PDSS2: variants seen among roughly 807,000 people sequenced by gnomAD.
PDSS2 encodes the protein decaprenyl diphosphate synthase subunit 2.
A neutral mutation model predicts 44.5 loss-of-function variants in PDSS2; 31 were observed. That is an observed-to-expected ratio of 0.70 (90% confidence interval 0.52 to 0.94). PDSS2 has a LOEUF of 0.94. PDSS2 is among the 40% of genes least tolerant of loss of function. The pLI is 0.00. For missense variants in PDSS2, 452 were observed against 482.2 expected, an observed-to-expected ratio of 0.94 and a Z score of 0.59; for synonymous variants, 157 against 180.3, an observed-to-expected ratio of 0.87 and a Z score of 1.03.
At chr6:107,326,282 T>C (rs1322334686) in intron 2 of PDSS2, among the ~76,000 whole-genome samples, 2 of 151,714 alleles carry the variant, frequency 1.3e-5, no homozygotes, top group Non-Finnish European at 2.9e-5. Context: ...TTTTTTTTCT[T>C]GTATTTTAGT....
chr6:107,301,100 G>C (rs1432582686), intron 2 of PDSS2, among the ~76,000 whole-genome samples: 1 of 152,174 alleles, frequency 6.6e-6, no homozygotes, highest in Non-Finnish European at 1.5e-5. Flanking sequence ...ACAATTAAGT[G>C]AAGTGATGAA....
chr6:107,432,029 T>C (rs1781208260), intron 1 of PDSS2, among the ~76,000 whole-genome samples: 2 of 152,248 alleles, frequency 1.3e-5, no homozygotes, highest in African/African-American at 4.8e-5. Flanking sequence ...TATAGAATAT[T>C]ATGCATTTAC....
chr6:107,286,336 C>T (rs2114999480), intron 2 of PDSS2, among the ~76,000 whole-genome samples: 1 of 151,206 alleles, frequency 6.6e-6, no homozygotes, highest in East Asian at 2.0e-4. Context: ...GGTGAAACCC[C>T]ACCTCTACTA....
intron 1 of PDSS2, among the ~76,000 whole-genome samples, chr6:107,381,421 T>C (rs1779451930): frequency 6.6e-6 from 1 of 152,248 alleles, no homozygotes; most frequent in African/African-American, 2.4e-5. Context: ...ATTTTGGAAA[T>C]GAGATTTTTT....
chr6:107,451,726 CTTT>C (rs1408985850), intron 1 of PDSS2, among the ~76,000 whole-genome samples: 1 of 152,170 alleles, frequency 6.6e-6, no homozygotes, highest in Non-Finnish European at 1.5e-5. Flanking sequence ...CCACCTGCTT[CTTT>C]GTTTGATCAC....
chr6:107,412,784 C>G (rs1009726721), intron 1 of PDSS2, among the ~76,000 whole-genome samples: 4 of 152,152 alleles, frequency 2.6e-5, no homozygotes, highest in Non-Finnish European at 2.9e-5. Context: ...AAATTCTCCT[C>G]TGGTTTCATT....
chr6:107,222,716 T>C (rs976642630), intron 4 of PDSS2, among the ~76,000 whole-genome samples: 13 of 151,508 alleles, frequency 8.6e-5, no homozygotes, highest in African/African-American at 3.2e-4. Flanking sequence ...GACCGTAGTA[T>C]GTGGCAGAGA....
At chr6:107,264,396 A>G in intron 3 of PDSS2, 3 of 1,547,940 alleles carry the variant, frequency 1.9e-6, no homozygotes, top group Non-Finnish European at 2.6e-6. Context: ...CTAATGCTTA[A>G]TAGAACAACC....
chr6:107,320,379 A>G (rs1364548866), intron 2 of PDSS2, among the ~76,000 whole-genome samples: 1 of 152,244 alleles, frequency 6.6e-6, no homozygotes, highest in Admixed American at 6.5e-5. Flanking sequence ...GTAGGTGCAT[A>G]ATCATTCAAG....
At chr6:107,316,762 G>A (rs535130766) in intron 2 of PDSS2, among the ~76,000 whole-genome samples, 16 of 151,886 alleles carry the variant, frequency 1.1e-4, no homozygotes, top group Non-Finnish European at 1.8e-4. Context: ...TTCATTTAAT[G>A]AACAAAAAAT....
intron 1 of PDSS2, among the ~76,000 whole-genome samples, chr6:107,342,952 T>C (rs978148138): frequency 3.3e-5 from 5 of 152,134 alleles, no homozygotes; most frequent in Admixed American, 1.3e-4. Context: ...CCTAGAGATA[T>C]AGAGTGAGTG....
chr6:107,389,747 G>C (rs377423724), intron 1 of PDSS2, among the ~76,000 whole-genome samples: 3 of 152,192 alleles, frequency 2.0e-5, no homozygotes, highest in African/African-American at 7.2e-5. Context: ...CTAGGAATAG[G>C]AATGTCCAGA....
At chr6:107,318,760 G>GT (rs564285531) in intron 2 of PDSS2, among the ~76,000 whole-genome samples, 200 of 152,222 alleles carry the variant, frequency 1.3e-3, no homozygotes, top group African/African-American at 4.4e-3. Context: ...GCCAAGGTGG[G>GT]TGGATTGCCT....
In PDSS2 at chr6:107,408,022, CATTT is replaced by C. The variant is rs1319162373; in HGVS notation, c.296+50964_296+50967del. On this transcript the variant is annotated intron_variant, in intron 1 of 7. Coordinates refer to ENST00000369037, the MANE Select transcript of PDSS2 (RefSeq NM_020381.4). The stretch of plus-strand genomic sequence containing the variant: ...CCAGTCTTTCATTTATTTATTTATT[CATTT>C]ATTTTTTAATTAATTTTTTGAGACA... Among the ~76,000 whole-genome samples, 10 of 150,372 alleles carry C rather than the reference CATTT, an allele frequency of 6.7e-5. No homozygotes were observed. The East Asian group carries it at 2.0e-3, about 30-fold the overall frequency.
intron 2 of PDSS2, among the ~76,000 whole-genome samples, chr6:107,284,193 A>T (rs1484450223): frequency 1.3e-5 from 2 of 152,116 alleles, no homozygotes; most frequent in Non-Finnish European, 2.9e-5. Flanking sequence ...AAAATACAGA[A>T]AAGTACAGAG....
intron 1 of PDSS2, among the ~76,000 whole-genome samples, chr6:107,372,643 A>G (rs983204198): frequency 6.6e-6 from 1 of 152,078 alleles, no homozygotes. Flanking sequence ...TAGTAGAGAC[A>G]GGGTTTCACC....
chr6:107,373,865 C>T (rs979414432), intron 1 of PDSS2, among the ~76,000 whole-genome samples: 49 of 152,198 alleles, frequency 3.2e-4, no homozygotes, highest in African/African-American at 1.2e-3. Flanking sequence ...ATTTCCAAAA[C>T]TAGATTACTG....
At chr6:107,238,955 T>C (rs576421485) in intron 4 of PDSS2, among the ~76,000 whole-genome samples, 1 of 152,278 alleles carries the variant, frequency 6.6e-6, no homozygotes, top group East Asian at 1.9e-4. Flanking sequence ...AGTAAGATGT[T>C]ATCACAATAT....
intron 1 of PDSS2, among the ~76,000 whole-genome samples, chr6:107,419,821 T>C (rs1161956067): frequency 6.6e-6 from 1 of 152,226 alleles, no homozygotes; most frequent in Non-Finnish European, 1.5e-5. Context: ...CATCACCTCA[T>C]ATTCTTTCAG....
Sources: gnomAD v4.1 joint callset for allele counts (sites outside exome capture counted in the v4.1 genomes callset) on GRCh38, gnomAD v4.1.1 for gene constraint, MANE v1.5 for transcripts, NCBI Gene and HGNC (gene_info 2026-07-23, HGNC 2026-07-21) for gene names.